Variants in LFNG observed in about 807,000 individuals in gnomAD.
LFNG encodes the protein beta-1,3-N-acetylglucosaminyltransferase lunatic fringe.
A neutral mutation model predicts 32.7 loss-of-function variants in LFNG; 15 were observed. That is an observed-to-expected ratio of 0.46 (90% CI 0.31 to 0.71). The LOEUF is 0.71. Among genes scored for constraint, LFNG ranks in the 30% least tolerant of loss-of-function variants. LFNG has a pLI of 0.06. For synonymous variants in LFNG, 274 were observed against 246.8 expected, an observed-to-expected ratio of 1.11 and a Z score of -1.03; for missense variants, 520 against 545.7, an observed-to-expected ratio of 0.95 and a Z score of 0.47.
chr7:2,522,588 C>T (rs1449915826), intron 1 of LFNG, among the ~76,000 whole-genome samples: 2 of 152,258 alleles, frequency 1.3e-5, no homozygotes, highest in African/African-American at 4.8e-5. Flanking sequence ...CGCCCCCGTC[C>T]ACCCTCATCC....
At chr7:2,516,347 C>T (rs760075294), upstream of LFNG, among the ~76,000 whole-genome samples, 2 of 152,238 alleles carry the variant, frequency 1.3e-5, no homozygotes, top group Non-Finnish European at 2.9e-5. Context: ...CTCCACAGAT[C>T]TTCCCAGGAC....
At chr7:2,518,453 C>A, upstream of LFNG, 1 of 791,996 alleles carries the variant, frequency 1.3e-6, no homozygotes, top group South Asian at 1.4e-5. Flanking sequence ...TGGGCTACAG[C>A]GTCCTTAGCG....
chr7:2,525,409 C>G lies in LFNG; in HGVS notation c.582-5C>G. On this transcript the variant is annotated splice_region_variant and splice_polypyrimidine_tract_variant and intron_variant, in intron 3 of 7. Transcript: ENST00000222725. ...CCTCCCCCGATGGCCCTGCCTTGTC[C>G]TCAGGTGGTTCTGCCACGTGGACGA... The G allele has an allele frequency of 6.2e-7, 1 of 1,612,864 alleles. No individual in the cohort carries two copies. The highest frequency in any genetic ancestry group is 8.5e-7 in the Non-Finnish European group (1 of 1,179,850).
At chr7:2,514,385 A>T (rs59802576), upstream of LFNG, among the ~76,000 whole-genome samples, 11,295 of 152,276 alleles carry the variant, frequency 0.074, 977 homozygotes, top group East Asian at 0.2. Flanking sequence ...GGCACAGCCA[A>T]GAATCACATC....
chr7:2,525,686 G>T lies in LFNG; in HGVS notation c.737G>T (p.Arg246Leu), dbSNP rs374389689. Residue 246 changes from arginine to leucine, a missense_variant and splice_region_variant, in exon 5 of 8, where the codon CGT becomes CTT. Transcript: ENST00000222725. ...AMERVSENKV[R>L]PVHFWFATGG... ...AGGACACCTTCTCCCTTCTCCCAGC[G>T]TCCTGTCCACTTCTGGTTTGCCACG... is the stretch of plus-strand genomic sequence containing the variant. The T allele has an allele frequency of 6.2e-7, 1 of 1,613,206 alleles. No homozygotes were observed. The highest frequency in any genetic ancestry group is 2.2e-5 in the East Asian group (1 of 44,880).
At chr7:2,528,723 ACAACCC>A, downstream of LFNG, 1 of 547,466 alleles carries the variant, frequency 1.8e-6, no homozygotes. Flanking sequence ...AGCCAAAAGC[ACAACCC>A]CAAGGCTCTG....
chr7:2,513,318 T>G (rs764234674), upstream of LFNG: 3 of 1,602,168 alleles, frequency 1.9e-6, no homozygotes, highest in Non-Finnish European at 2.6e-6. Flanking sequence ...GGAGGTGGCC[T>G]CTCTCAGCAG....
chr7:2,516,862 C>T (rs114025495), upstream of LFNG, among the ~76,000 whole-genome samples: 1 of 152,318 alleles, frequency 6.6e-6, no homozygotes, highest in South Asian at 2.1e-4. Context: ...AACTGAGGCT[C>T]AGGGAGTAAC....
At position 2,526,144 on chromosome 7, in the gene LFNG, C is replaced by T; in HGVS notation, c.822-100C>T. On this transcript the variant is annotated intron_variant, in intron 5 of 7. Transcript: ENST00000222725. This position sits in a 1 kb window ranked among gnomAD's most constrained non-coding sequence, Gnocchi z 6.9. Reference sequence around the variant, plus strand: ...GCCCAGAGCTCTCCTCAGGGCTCCTCTCCCTGAGGAGTGCAGCGCCTTTGC... The same window carrying T: ...GCCCAGAGCTCTCCTCAGGGCTCCTTTCCCTGAGGAGTGCAGCGCCTTTGC... 7.6e-7 allele frequency: 1 copy of T among 1,317,934 alleles called. No individual in the cohort carries two copies. The highest frequency in any genetic ancestry group is 1.2e-5 in the South Asian group (1 of 81,194). 81.6% of individuals were successfully genotyped at this position (1,317,934 alleles called of 1,614,324 possible). A position where few individuals can be genotyped will look rare whatever the true frequency, so the allele number is the denominator to read the frequency against.
At chr7:2,521,616 C>T (rs1366583155) in intron 1 of LFNG, among the ~76,000 whole-genome samples, 1 of 152,234 alleles carries the variant, frequency 6.6e-6, no homozygotes, top group Non-Finnish European at 1.5e-5. Flanking sequence ...CCCCCCACCC[C>T]CAGCACTCAA....
chr7:2,518,463 G>A (rs536120969), upstream of LFNG: 10 of 816,476 alleles, frequency 1.2e-5, no homozygotes, highest in East Asian at 2.4e-5. Flanking sequence ...CGTCCTTAGC[G>A]GGGGGAGAGG....
intron 1 of LFNG, among the ~76,000 whole-genome samples, chr7:2,522,585 G>A (rs990329838): frequency 1.3e-4 from 20 of 149,038 alleles, no homozygotes; most frequent in Non-Finnish European, 2.2e-4. Context: ...CCCCGCCCCC[G>A]TCCACCCTCA....
chr7:2,526,896 T>C lies in LFNG; in HGVS notation c.1048T>C (p.Phe350Leu), dbSNP rs1174673133. 2 of 1,612,172 alleles carry C rather than the reference T, an allele frequency of 1.2e-6. No individual in the cohort carries two copies. The highest frequency in any genetic ancestry group is 2.7e-5 in the African/African-American group (2 of 74,788). Residue 350 changes from phenylalanine (F) to leucine (L), a missense_variant, in exon 7 of 8, where the codon TTC becomes CTC. Phe to Leu is a conservative substitution (Grantham distance 22). Around this residue, in one of 3 missense-constraint regions of LFNG, gnomAD observed 150 missense variants for 159.9 expected, o/e 0.94. Transcript: ENST00000222725. This position sits in a 1 kb window ranked among gnomAD's most constrained non-coding sequence, Gnocchi z 6.9. Reference protein sequence around the residue: ...KRNAVHVKGPFSVEADPSRFR... With the variant: ...KRNAVHVKGPLSVEADPSRFR... Reference sequence around the variant, plus strand: ...GAACGCCGTCCACGTGAAGGGGCCCTTCTCGGTGGAGGCCGACCCATCCAG... The same window carrying C: ...GAACGCCGTCCACGTGAAGGGGCCCCTCTCGGTGGAGGCCGACCCATCCAG...
intron 2 of LFNG, 147 bp from the exon 3 acceptor site, chr7:2,525,072 G>T (rs771559862): frequency 1.3e-6 from 1 of 754,530 alleles, no homozygotes; most frequent in African/African-American, 1.7e-5. Flanking sequence ...CCCAAGCCCC[G>T]AGCTAGGGTG....
At position 2,525,245 on chromosome 7, in the gene LFNG, G is replaced by A. The variant is rs749050354; in HGVS notation, c.508G>A (p.Ala170Thr). The change falls in exon 3 of 8, where the codon GCC becomes ACC. Residue 170 changes from alanine to threonine, a missense_variant. Around this residue, in one of 3 missense-constraint regions of LFNG, gnomAD observed 360 missense variants for 354.7 expected, o/e 1.01. Transcript: ENST00000222725. ...CAACGTGGTCATCACAAACTGCTCG[G>A]CCGCCCACAGCCGCCAGGCGCTGTC... Reference protein sequence around the residue: ...TGNVVITNCSAAHSRQALSCK... With the variant: ...TGNVVITNCSTAHSRQALSCK... 3.1e-6 allele frequency: 5 copies of A among 1,612,890 alleles called. No individual in the cohort carries two copies. The Admixed American group carries it at 8.3e-5, about 27-fold the overall frequency.
chr7:2,518,790 G>A (rs1779693832), upstream of LFNG, among the ~76,000 whole-genome samples: 1 of 152,148 alleles, frequency 6.6e-6, no homozygotes, highest in Admixed American at 6.5e-5. Flanking sequence ...GCTTCCGGAG[G>A]ACGTGGCGGG....
chr7:2,519,485 G>A (rs142274334), upstream of LFNG, among the ~76,000 whole-genome samples: 2,788 of 152,040 alleles, frequency 0.018, 84 homozygotes, highest in African/African-American at 0.064. Context: ...GCCAGGCTGG[G>A]TTTCCTCTTC....
rs1201665154 is a variant in LFNG, at chr7:2,520,072, G to C, written c.211G>C (p.Val71Leu). 1 of 1,249,520 alleles carries C rather than the reference G, an allele frequency of 8.0e-7. No individual in the cohort carries two copies. The highest frequency in any genetic ancestry group is 1.0e-6 in the Non-Finnish European group (1 of 988,872). The allele number at this position is 1,249,520 out of a possible 1,614,324, so 77.4% of individuals were successfully genotyped here. A position where few individuals can be genotyped will look rare whatever the true frequency, so the allele number is the denominator to read the frequency against. The part of the protein sequence containing the change: ...AAAPGALVRD[V>L]HSLSEYFSLL... ...GGCGCCCGGGGCGCTGGTCCGCGACGTGCACAGTCTGTCCGAGTACTTCAG... is the reference window on the plus strand; with the variant it reads ...GGCGCCCGGGGCGCTGGTCCGCGACCTGCACAGTCTGTCCGAGTACTTCAG... The change falls in exon 1 of 8, where the codon GTG (valine) becomes CTG (leucine). Residue 71 changes from valine to leucine, a missense_variant. By Grantham distance (32) the Val-to-Leu change is conservative (BLOSUM62 1). Coordinates refer to ENST00000222725, the MANE Select transcript of LFNG (RefSeq NM_001040167.2). This position sits in a 1 kb window ranked among gnomAD's most constrained non-coding sequence, Gnocchi z 5.0.
chr7:2,517,698 G>A (rs1395918183), upstream of LFNG: 2 of 471,130 alleles, frequency 4.2e-6, no homozygotes, highest in South Asian at 3.1e-5. Context: ...TGCCACTGAT[G>A]TAAAGTCCAG....
Sources: gnomAD v4.1 joint callset for allele counts (sites outside exome capture counted in the v4.1 genomes callset) on GRCh38, gnomAD v4.1.1 for gene constraint, gnomAD v4.1.1 regional missense constraint, Gnocchi (gnomAD v3.1) non-coding constraint, MANE v1.5 for transcripts, NCBI Gene and HGNC (gene_info 2026-07-23, HGNC 2026-07-21) for gene names.